Variants in UBE2Q2 observed in about 807,000 individuals in gnomAD.
UBE2Q2 encodes ubiquitin-conjugating enzyme E2 Q2.
A neutral mutation model predicts 59.9 loss-of-function variants in UBE2Q2; 54 were observed. That is an observed-to-expected ratio of 0.90 (90% CI 0.72 to 1.13). UBE2Q2 has a LOEUF of 1.13. UBE2Q2 is among the 50% of genes most tolerant of loss of function. The probability of loss-of-function intolerance (pLI) is 0.00; values close to 1 mark genes in which losing one functional copy is unlikely to be tolerated. For missense variants in UBE2Q2, 433 were observed against 441.9 expected (o/e 0.98, Z 0.18); for synonymous variants, 165 against 155.2 (o/e 1.06, Z -0.47).
chr15:75,877,688 A>T (rs906951731), intron 6 of UBE2Q2, among the ~76,000 whole-genome samples: 1 of 152,224 alleles, frequency 6.6e-6, no homozygotes, highest in East Asian at 1.9e-4. Flanking sequence ...TCTTAAGTAC[A>T]TATGATTTTG....
intron 8 of UBE2Q2, among the ~76,000 whole-genome samples, chr15:75,882,194 C>T (rs1026715330): frequency 1.3e-5 from 2 of 152,176 alleles, no homozygotes; most frequent in Admixed American, 1.3e-4. Flanking sequence ...AAATGTTCCT[C>T]TTCCTTAATA....
At position 75,897,027 on chromosome 15, in the gene UBE2Q2, C is replaced by A; in HGVS notation, c.1062C>A (p.Ser354=). The A allele has an allele frequency of 1.3e-6, 2 of 1,573,596 alleles. No homozygotes were observed. The highest frequency in any genetic ancestry group is 1.2e-5 in the South Asian group (1 of 84,456). The change falls in exon 12 of 13, where the codon TCC becomes TCA. Residue 354 remains serine, a synonymous_variant. Coordinates refer to ENST00000267938, the MANE Select transcript of UBE2Q2 (RefSeq NM_173469.4). ...NQYNLARAQQ[S]YNSIVQIHEK... ...ATAATCTAGCAAGAGCCCAACAATC[C>A]TATAATTCCATTGTACAGATACATG...
intron 3 of UBE2Q2, among the ~76,000 whole-genome samples, chr15:75,861,984 A>G (rs1897228969): frequency 6.6e-6 from 1 of 152,172 alleles, no homozygotes; most frequent in South Asian, 2.1e-4. Context: ...TTCTCTCTGC[A>G]TAGCGTCTCA....
Position 75,877,816 on chromosome 15 carries a change from G to A in UBE2Q2, c.674-145G>A, listed in dbSNP as rs1329184174. 4 of 567,742 alleles carry A rather than the reference G, an allele frequency of 7.0e-6. No individual in the cohort carries two copies. In the African/African-American group the frequency reaches 7.7e-5, roughly 11 times the overall value. 35.2% of individuals were successfully genotyped at this position (567,742 alleles called of 1,614,324 possible). A position where few individuals can be genotyped will look rare whatever the true frequency, so the allele number is the denominator to read the frequency against. ...GCATAAGATACTCAGCTGCAGTAGTGTAATATTTACTATATAGCTTAGTTG... is the reference window on the plus strand; with the variant it reads ...GCATAAGATACTCAGCTGCAGTAGTATAATATTTACTATATAGCTTAGTTG... On this transcript the variant is annotated intron_variant, in intron 6 of 12. Coordinates refer to ENST00000267938, the MANE Select transcript of UBE2Q2 (RefSeq NM_173469.4).
intron 1 of UBE2Q2, chr15:75,844,464 C>T: frequency 1.3e-6 from 2 of 1,551,556 alleles, no homozygotes; most frequent in Non-Finnish European, 1.7e-6. Context: ...TGGAAAGGAG[C>T]ATAGTACCGT....
At chr15:75,879,550 A>C (rs1282630581) in intron 8 of UBE2Q2, among the ~76,000 whole-genome samples, 1 of 152,230 alleles carries the variant, frequency 6.6e-6, no homozygotes, top group Non-Finnish European at 1.5e-5. Context: ...CTTTATATAC[A>C]GTTCAAAAAT....
chr15:75,897,594 ATTTC>A (rs1219693166), intron 12 of UBE2Q2, among the ~76,000 whole-genome samples: 1 of 148,512 alleles, frequency 6.7e-6, no homozygotes, highest in African/African-American at 2.5e-5. Flanking sequence ...CAGAATCAAG[ATTTC>A]TTTTTTTTTT....
chr15:75,883,251 C>A (rs1015360760), intron 8 of UBE2Q2, 115 bp from the exon 9 acceptor site: 3 of 955,968 alleles, frequency 3.1e-6, no homozygotes, highest in Admixed American at 2.8e-5. Context: ...ATGACTCTTA[C>A]CCATTATCTG....
At chr15:75,865,490 G>T (rs934227034) in intron 3 of UBE2Q2, among the ~76,000 whole-genome samples, 1 of 152,034 alleles carries the variant, frequency 6.6e-6, no homozygotes, top group African/African-American at 2.4e-5. Flanking sequence ...ATTCTTGCTT[G>T]TATTTCATGG....
chr15:75,850,775 C>T (rs547752812), intron 1 of UBE2Q2, among the ~76,000 whole-genome samples: 35 of 152,316 alleles, frequency 2.3e-4, no homozygotes, highest in African/African-American at 8.4e-4. Context: ...CTCCTTTACA[C>T]TCTTGAAAAT....
intron 11 of UBE2Q2, among the ~76,000 whole-genome samples, chr15:75,893,089 A>G (rs1899194089): frequency 6.6e-6 from 1 of 152,192 alleles, no homozygotes; most frequent in African/African-American, 2.4e-5. Context: ...TTAGAATTAC[A>G]CTAGAAAGTG....
At chr15:75,861,146 C>G (rs1364653544) in intron 3 of UBE2Q2, among the ~76,000 whole-genome samples, 1 of 152,230 alleles carries the variant, frequency 6.6e-6, no homozygotes, top group Non-Finnish European at 1.5e-5. Flanking sequence ...TGAGTTCGTA[C>G]AAGTAAACCA....
chr15:75,873,677 C>CTGCCTTAGTGGTGGATTCAGTCATG, intron 5 of UBE2Q2, 109 bp downstream of exon 5: 2 of 1,262,030 alleles, frequency 1.6e-6, no homozygotes, highest in South Asian at 2.9e-5. Context: ...TCCTCCATTT[C>CTGCCTTAGTGGTGGATTCAGTCATG]TGCCTTAGTG....
rs758001661 is a variant in UBE2Q2, at chr15:75,877,990, A to G, written c.703A>G (p.Ser235Gly). 1.9e-6 allele frequency: 3 copies of G among 1,613,828 alleles called. No homozygotes were observed. The highest frequency in any genetic ancestry group is 2.5e-6 in the Non-Finnish European group (3 of 1,179,876). ...GIYSVELIND[S>G]LYDWHVKLQK... ...TTATTCAGTGGAACTCATAAATGAC[A>G]GTTTATATGACTGGCATGTTAAACT... is the stretch of plus-strand genomic sequence containing the variant. The change falls in exon 7 of 13, where the codon AGT becomes GGT. Residue 235 changes from serine to glycine, a missense_variant. Coordinates refer to ENST00000267938, the MANE Select transcript of UBE2Q2 (RefSeq NM_173469.4).
intron 2 of UBE2Q2, among the ~76,000 whole-genome samples, chr15:75,856,029 A>T (rs1417436619): frequency 6.6e-6 from 1 of 152,062 alleles, no homozygotes; most frequent in African/African-American, 2.4e-5. Context: ...TCTACAAAAA[A>T]TACAAAAATT....
At chr15:75,856,269 G>GTGTGTGTGTGTGTGTGTATA (rs1256142539) in intron 2 of UBE2Q2, among the ~76,000 whole-genome samples, 1 of 139,286 alleles carries the variant, frequency 7.2e-6, no homozygotes, top group African/African-American at 2.7e-5. Context: ...GTGTGTGTGT[G>GTGTGTGTGTGTGTGTGTATA]TATATATATA....
At chr15:75,859,429 A>G (rs1399433300) in intron 2 of UBE2Q2, among the ~76,000 whole-genome samples, 1 of 152,160 alleles carries the variant, frequency 6.6e-6, no homozygotes, top group African/African-American at 2.4e-5. Context: ...GTATTTTTAA[A>G]TGAATATGAC....
intron 3 of UBE2Q2, among the ~76,000 whole-genome samples, chr15:75,861,842 C>T (rs1004067932): frequency 1.3e-5 from 2 of 152,180 alleles, no homozygotes; most frequent in African/African-American, 4.8e-5. Flanking sequence ...CTGCTGGTCT[C>T]ATTTGGCAGC....
rs371481877 is a variant in UBE2Q2 at position 75,883,396 on chromosome 15, C to T, written c.856C>T (p.Arg286Ter). ...CTTTCCATTTGATCCTCCATTTGTT[C>T]GAGTGGTGTTACCTGTTCTCTCAGG... ...DNFPFDPPFV[R>*]VVLPVLSGGY... Residue 286 changes from arginine (R) to a stop codon, truncating the protein, a stop_gained, in exon 9 of 13, where the codon CGA becomes TGA. Transcript: ENST00000267938. LOFTEE classifies it high-confidence loss of function. The T allele has an allele frequency of 2.5e-6, 4 of 1,612,950 alleles. No individual in the cohort carries two copies. The highest frequency in any genetic ancestry group is 1.7e-5 in the Admixed American group (1 of 59,946).
Sources: gnomAD v4.1 joint callset for allele counts (sites outside exome capture counted in the v4.1 genomes callset) on GRCh38, gnomAD v4.1.1 for gene constraint, MANE v1.5 for transcripts, NCBI Gene and HGNC (gene_info 2026-07-23, HGNC 2026-07-21) for gene names.